The following SYBU variants were observed in gnomAD, a reference collection of about 807,000 sequenced individuals.
SYBU encodes the protein GOLSYN A protein.
Under a neutral mutation model 35.9 loss-of-function variants are expected in SYBU, and 21 were observed. That is an observed-to-expected ratio of 0.58 (90% confidence interval 0.41 to 0.84). The LOEUF (loss-of-function observed/expected upper bound fraction) is 0.84, where lower values mean the gene tolerates loss of function less well. Among genes scored for constraint, SYBU ranks in the 40% least tolerant of loss-of-function variants. The probability of loss-of-function intolerance (pLI) is 0.00; values close to 1 mark genes in which losing one functional copy is unlikely to be tolerated. For synonymous variants in SYBU, 319 were observed against 324.3 expected, an observed-to-expected ratio of 0.98 and a Z score of 0.18; for missense variants, 768 against 848.2, an observed-to-expected ratio of 0.91 and a Z score of 1.17.
At chr8:109,681,876 G>T (rs1817404821), upstream of SYBU, among the ~76,000 whole-genome samples, 1 of 152,146 alleles carries the variant, frequency 6.6e-6, no homozygotes, top group African/African-American at 2.4e-5. Flanking sequence ...TTACCTCCAT[G>T]CTGTTCTTGT....
chr8:109,614,964 C>T (rs866754233), intron 3 of SYBU, among the ~76,000 whole-genome samples: 5 of 152,178 alleles, frequency 3.3e-5, no homozygotes, highest in South Asian at 2.1e-4. Flanking sequence ...CAGGCTTGCT[C>T]GGCTCACCTT....
intron 3 of SYBU, among the ~76,000 whole-genome samples, chr8:109,605,209 T>C (rs529590858): frequency 6.6e-6 from 1 of 152,264 alleles, no homozygotes; most frequent in South Asian, 2.1e-4. Flanking sequence ...AACAATGGAA[T>C]AGAAAGTGGG....
chr8:109,611,921 T>C (rs1475639007), intron 3 of SYBU, among the ~76,000 whole-genome samples: 1 of 152,234 alleles, frequency 6.6e-6, no homozygotes, highest in Non-Finnish European at 1.5e-5. Flanking sequence ...TATCAGCTAA[T>C]TTATAAAAAT....
intron 1 of SYBU, among the ~76,000 whole-genome samples, chr8:109,672,916 G>A (rs1817040421): frequency 6.6e-6 from 1 of 152,250 alleles, no homozygotes; most frequent in African/African-American, 2.4e-5. Flanking sequence ...AAGCCACTGG[G>A]AAGTTTGGAC....
chr8:109,633,473 G>A (rs983888749), intron 2 of SYBU, among the ~76,000 whole-genome samples: 1 of 152,156 alleles, frequency 6.6e-6, no homozygotes, highest in African/African-American at 2.4e-5. Context: ...CTAAAAAGAG[G>A]GGACAGTCAA....
intron 2 of SYBU, among the ~76,000 whole-genome samples, chr8:109,629,011 A>G (rs920042381): frequency 6.6e-6 from 1 of 152,202 alleles, no homozygotes; most frequent in Admixed American, 6.5e-5. Context: ...AACAAGGAAA[A>G]GAATTCCAGA....
At chr8:109,657,099 C>T (rs1409825153) in intron 1 of SYBU, among the ~76,000 whole-genome samples, 1 of 152,072 alleles carries the variant, frequency 6.6e-6, no homozygotes, top group Admixed American at 6.6e-5. Context: ...AATTAAGCAT[C>T]TCTTTTTTTC....
rs76839888 is a variant in SYBU, at chr8:109,643,174, T to C, written c.25-242A>G. On this transcript the variant is annotated intron_variant, in intron 1 of 6. Coordinates refer to ENST00000276646, the MANE Select transcript of SYBU (RefSeq NM_001099754.2). Reference sequence around the variant, plus strand: ...ACACACACACACACACACACACACATATACACACCTCCACTCACTAGCTGG... The same window carrying C: ...ACACACACACACACACACACACACACATACACACCTCCACTCACTAGCTGG... The C allele has an allele frequency of 5.7e-3, 6,307 of 1,113,110 alleles. 190 individuals are homozygous for C. The African/African-American group carries it at 0.099, about 17-fold the overall frequency. The allele number at this position is 1,113,110 out of a possible 1,614,324, so 69.0% of individuals were successfully genotyped here.
rs368156445 is a variant in SYBU at position 109,631,930 on chromosome 8, G to GT, written c.229+10797dup. Among the ~76,000 whole-genome samples, 236 of 147,102 alleles carry GT rather than the reference G, an allele frequency of 1.6e-3. 1 individual carries two copies. The highest frequency in any genetic ancestry group is 7.3e-3 in the Admixed American group (108 of 14,704). ...TAGGCCATGCCTTTTTAAAGGCTCA[G>GT]TTTTTTTTTTTAAGTTTCTTTGGTA... On this transcript the variant is annotated intron_variant, in intron 2 of 6. Transcript: ENST00000276646.
chr8:109,577,446 G>T (rs1188660187), intron 6 of SYBU, among the ~76,000 whole-genome samples: 1 of 151,590 alleles, frequency 6.6e-6, no homozygotes, highest in Non-Finnish European at 1.5e-5. Flanking sequence ...GAATCACAAT[G>T]CACACAGATA....
intron 3 of SYBU, among the ~76,000 whole-genome samples, chr8:109,605,471 G>T (rs1273822079): frequency 2.6e-5 from 4 of 152,066 alleles, no homozygotes; most frequent in Non-Finnish European, 4.4e-5. Context: ...CTACCCCCCT[G>T]CTCCTTTTTT....
chr8:109,665,516 TG>T, intron 1 of SYBU, among the ~76,000 whole-genome samples: 1 of 152,358 alleles, frequency 6.6e-6, no homozygotes, highest in African/African-American at 2.4e-5. Context: ...CTGAAATTTA[TG>T]TTTCCATTTT....
At chr8:109,627,152 T>TGGG (rs34706230) in intron 2 of SYBU, among the ~76,000 whole-genome samples, 1 of 151,922 alleles carries the variant, frequency 6.6e-6, no homozygotes, top group East Asian at 1.9e-4. Flanking sequence ...ATAATTTTTG[T>TGGG]GGGGGGGAAG....
intron 4 of SYBU, chr8:109,580,269 C>T (rs1372406255): frequency 7.8e-5 from 34 of 434,852 alleles, no homozygotes; most frequent in South Asian, 2.1e-4. Flanking sequence ...CACCCAATAG[C>T]CTGCTAAGAA....
intron 2 of SYBU, among the ~76,000 whole-genome samples, chr8:109,622,181 G>GTATCTAACTATCTATC (rs201200550): frequency 1.3e-4 from 19 of 146,478 alleles, no homozygotes; most frequent in African/African-American, 4.8e-4. Context: ...AATAATATGA[G>GTATCTAACTATCTATC]TATCTATCTA....
At chr8:109,669,969 AC>A (rs1256580726) in intron 1 of SYBU, among the ~76,000 whole-genome samples, 3 of 152,238 alleles carry the variant, frequency 2.0e-5, no homozygotes, top group African/African-American at 7.2e-5. Context: ...CTTAGGTCAA[AC>A]AAAAAAGGTC....
Position 109,659,040 on chromosome 8 carries a change from A to G in SYBU, c.-129+21671T>C, listed in dbSNP as rs1357551591. Among the ~76,000 whole-genome samples the G allele has an allele frequency of 2.0e-5, 3 of 152,142 alleles. No individual in the cohort carries two copies. The East Asian group carries it at 5.8e-4, about 29-fold the overall frequency. On this transcript the variant is annotated intron_variant, in intron 1 of 5. Transcript: ENST00000408889. ...CCTCTTTAAAACTCAATAATTTATC[A>G]TTTTTAAAAGCGATCTCACTCATGT...
intron 2 of SYBU, among the ~76,000 whole-genome samples, chr8:109,623,028 C>T (rs1000133751): frequency 7.4e-5 from 10 of 135,988 alleles, no homozygotes; most frequent in African/African-American, 3.0e-4. Context: ...AGCGTGCGCG[C>T]GCGCACACAC....
chr8:109,624,404 G>C (rs1812759287), intron 2 of SYBU, among the ~76,000 whole-genome samples: 1 of 152,206 alleles, frequency 6.6e-6, no homozygotes, highest in African/African-American at 2.4e-5. Context: ...TGGAAAGTTT[G>C]TCCTTACAAA....
Sources: allele counts gnomAD v4.1 joint callset (sites outside exome capture counted in the v4.1 genomes callset), GRCh38; gene constraint gnomAD v4.1.1; transcripts MANE v1.5; gene names NCBI Gene and HGNC (gene_info 2026-07-23, HGNC 2026-07-21).